CSMD3: variants seen among roughly 807,000 people sequenced by gnomAD.
The protein encoded by CSMD3 is CUB and Sushi multiple domains 3, also known as CUB and sushi domain-containing protein 3.
Under a neutral mutation model 435.2 loss-of-function variants are expected in CSMD3, and 177 were observed. That is an observed-to-expected ratio of 0.41 (90% confidence interval 0.36 to 0.46). The LOEUF is 0.46. Among genes scored for constraint, CSMD3 ranks in the 20% least tolerant of loss-of-function variants. CSMD3 has a pLI of 0.34. For missense variants in CSMD3, 4,265 were observed against 4,504.6 expected (o/e 0.95, Z 1.52); for synonymous variants, 1,656 against 1,520.5 (o/e 1.09, Z -2.07).
At chr8:112,248,534 C>A (rs1814969897) in intron 63 of CSMD3, among the ~76,000 whole-genome samples, 1 of 152,024 alleles carries the variant, frequency 6.6e-6, no homozygotes, top group Non-Finnish European at 1.5e-5. Flanking sequence ...TTAGGGTCTG[C>A]CACTTTGTAC....
At chr8:112,778,267 T>C (rs1480830337) in intron 13 of CSMD3, among the ~76,000 whole-genome samples, 1 of 151,918 alleles carries the variant, frequency 6.6e-6, no homozygotes, top group African/African-American at 2.4e-5. Context: ...CTTGGTGTTG[T>C]ATATTCTGTG....
intron 47 of CSMD3, 70 bp from the exon 48 acceptor site, chr8:112,314,687 C>T (rs2130839645): frequency 9.9e-7 from 1 of 1,014,312 alleles, no homozygotes; most frequent in Admixed American, 1.8e-5. Context: ...ATTTTAGATA[C>T]TGAGTATTCT....
chr8:112,505,689 C>A (rs1259136393), intron 29 of CSMD3, among the ~76,000 whole-genome samples: 1 of 151,246 alleles, frequency 6.6e-6, no homozygotes, highest in Non-Finnish European at 1.5e-5. Context: ...CGTTTTTTTT[C>A]TGAAAAACTG....
At chr8:112,602,371 G>T (rs1439096676) in intron 22 of CSMD3, among the ~76,000 whole-genome samples, 1 of 152,042 alleles carries the variant, frequency 6.6e-6, no homozygotes, top group Non-Finnish European at 1.5e-5. Context: ...TCCGAGACCA[G>T]CCTGGCCAGC....
intron 52 of CSMD3, among the ~76,000 whole-genome samples, chr8:112,302,923 G>GAA (rs565748125): frequency 1.0e-3 from 154 of 151,046 alleles, no homozygotes; most frequent in Non-Finnish European, 2.0e-3. Flanking sequence ...TGGAGGACCA[G>GAA]AAAAAAAATA....
At chr8:112,279,187 C>A (rs2130558767) in intron 59 of CSMD3, among the ~76,000 whole-genome samples, 1 of 152,296 alleles carries the variant, frequency 6.6e-6, no homozygotes, top group East Asian at 1.9e-4. Flanking sequence ...GATTTCACAT[C>A]TCCACAATAT....
At chr8:112,394,701 G>A (rs1471657565) in intron 35 of CSMD3, among the ~76,000 whole-genome samples, 1 of 152,122 alleles carries the variant, frequency 6.6e-6, no homozygotes, top group African/African-American at 2.4e-5. Context: ...TGGGTGTCTT[G>A]TTGCAACTCC....
intron 5 of CSMD3, among the ~76,000 whole-genome samples, chr8:113,041,242 T>G: frequency 2.8e-5 from 4 of 144,840 alleles, no homozygotes; most frequent in Admixed American, 6.8e-5. Context: ...GGAAGGGAAG[T>G]TTTGAGAAAT....
intron 45 of CSMD3, among the ~76,000 whole-genome samples, chr8:112,330,809 A>G (rs1029560311): frequency 3.3e-5 from 5 of 152,092 alleles, no homozygotes; most frequent in African/African-American, 7.2e-5. Flanking sequence ...AATATAATCT[A>G]TTCATGAGAT....
At chr8:112,376,904 T>C (rs1330757419) in intron 38 of CSMD3, among the ~76,000 whole-genome samples, 6 of 152,156 alleles carry the variant, frequency 3.9e-5, no homozygotes, top group Non-Finnish European at 8.8e-5. Context: ...GAGTTTGCAT[T>C]TTAAGTAGAG....
At chr8:112,705,710 C>G (rs950234915) in intron 13 of CSMD3, among the ~76,000 whole-genome samples, 18 of 151,862 alleles carry the variant, frequency 1.2e-4, no homozygotes, top group African/African-American at 4.4e-4. Context: ...TAGGTGTATT[C>G]AGAATATATT....
intron 16 of CSMD3, among the ~76,000 whole-genome samples, chr8:112,679,536 G>A (rs1369032495): frequency 2.6e-5 from 4 of 152,096 alleles, no homozygotes; most frequent in African/African-American, 9.7e-5. Flanking sequence ...GGGCTTATTG[G>A]CCTTTGTCAA....
chr8:112,921,892 T>C (rs1448955816), intron 9 of CSMD3, 141 bp from the exon 10 acceptor site: 1 of 688,610 alleles, frequency 1.5e-6, no homozygotes, highest in Non-Finnish European at 2.6e-6. Flanking sequence ...TGTGAAAGTA[T>C]GACTTGTAGA....
chr8:113,272,357 G>A (rs769145780), intron 3 of CSMD3, among the ~76,000 whole-genome samples: 55 of 152,292 alleles, frequency 3.6e-4, no homozygotes, highest in Non-Finnish European at 6.3e-4. Context: ...CCCATGTATT[G>A]TGGGAGGGAC....
intron 59 of CSMD3, among the ~76,000 whole-genome samples, chr8:112,271,748 T>C (rs1275163920): frequency 1.3e-5 from 2 of 152,142 alleles, no homozygotes; most frequent in Non-Finnish European, 2.9e-5. Context: ...TCCGAACAAA[T>C]GGTAAACACT....
chr8:112,390,060 C>T (rs569685147), intron 36 of CSMD3, among the ~76,000 whole-genome samples: 30 of 152,196 alleles, frequency 2.0e-4, no homozygotes, highest in East Asian at 5.8e-4. Flanking sequence ...ACTCCTGATA[C>T]GTAATATAGT....
chr8:112,420,524 C>A (rs1170965159), intron 32 of CSMD3, among the ~76,000 whole-genome samples: 1 of 152,004 alleles, frequency 6.6e-6, no homozygotes, highest in Non-Finnish European at 1.5e-5. Flanking sequence ...ATTCAAAGTC[C>A]ATACATTTCA....
intron 31 of CSMD3, among the ~76,000 whole-genome samples, chr8:112,474,889 A>G (rs1310000873): frequency 1.3e-5 from 2 of 152,150 alleles, no homozygotes; most frequent in Non-Finnish European, 2.9e-5. Flanking sequence ...TAAAATTAGA[A>G]TTATCTAGAA....
At chr8:113,399,964 G>T (rs1441743036) in intron 1 of CSMD3, among the ~76,000 whole-genome samples, 5 of 137,230 alleles carry the variant, frequency 3.6e-5, no homozygotes, top group Non-Finnish European at 6.3e-5. Context: ...ATATATATAT[G>T]TATACATATA....
Sources: allele counts gnomAD v4.1 joint callset (sites outside exome capture counted in the v4.1 genomes callset), GRCh38; gene constraint gnomAD v4.1.1; transcripts MANE v1.5; gene names NCBI Gene and HGNC (gene_info 2026-07-23, HGNC 2026-07-21).